RNF130: variants seen among roughly 807,000 people sequenced by gnomAD.
The protein encoded by RNF130 is ring finger protein 130, also known as E3 ubiquitin-protein ligase RNF130.
A neutral mutation model predicts 44.6 loss-of-function variants in RNF130; 21 were observed. The ratio of observed to expected loss-of-function variants is 0.47; its 90% CI spans 0.33 to 0.68. RNF130 has a LOEUF of 0.68. RNF130 is among the 30% of genes least tolerant of loss of function. The pLI is 0.02. For missense variants in RNF130, 479 were observed against 560.6 expected (o/e 0.85, Z 1.47); for synonymous variants, 214 against 210.4 (o/e 1.02, Z -0.15).
At chr5:179,986,061 T>C (rs1301837054) in intron 3 of RNF130, among the ~76,000 whole-genome samples, 1 of 152,244 alleles carries the variant, frequency 6.6e-6, no homozygotes, top group Admixed American at 6.5e-5. Flanking sequence ...TCCTTTGCTT[T>C]CCTTTTAAGT....
At chr5:179,957,649 T>C (rs1582140093) in intron 8 of RNF130, among the ~76,000 whole-genome samples, 1 of 152,182 alleles carries the variant, frequency 6.6e-6, no homozygotes, top group East Asian at 1.9e-4. Flanking sequence ...CTTCTTCCTA[T>C]GGCATCCCTT....
chr5:180,003,446 T>C (rs543729937), intron 3 of RNF130, among the ~76,000 whole-genome samples: 1 of 152,346 alleles, frequency 6.6e-6, no homozygotes, highest in South Asian at 2.1e-4. Context: ...TTTGAACACC[T>C]CTTATAGCAC....
At chr5:179,928,695 C>G (rs1300294015) in intron 7 of RNF130, among the ~76,000 whole-genome samples, 1 of 150,024 alleles carries the variant, frequency 6.7e-6, no homozygotes, top group Non-Finnish European at 1.5e-5. Flanking sequence ...GTGGTGCGAT[C>G]TCGGCTCACT....
At chr5:180,055,535 TAA>T (rs1394858632) in intron 1 of RNF130, among the ~76,000 whole-genome samples, 2 of 151,964 alleles carry the variant, frequency 1.3e-5, no homozygotes, top group Admixed American at 1.3e-4. Flanking sequence ...TTGTCCTAAA[TAA>T]AGAGAGGGAT....
chr5:179,995,559 C>T (rs532981796), intron 3 of RNF130, among the ~76,000 whole-genome samples: 102 of 152,322 alleles, frequency 6.7e-4, no homozygotes, highest in Middle Eastern at 6.8e-3. Context: ...AGGACTGAGA[C>T]TGGAGTCCTC....
intron 3 of RNF130, chr5:179,980,409 T>A (rs1170227692): frequency 1.9e-6 from 1 of 526,042 alleles, no homozygotes; most frequent in Non-Finnish European, 3.4e-6. Flanking sequence ...AACACCCTGT[T>A]AGGTCAAACA....
chr5:180,005,562 C>G (rs1201862151), intron 3 of RNF130, among the ~76,000 whole-genome samples: 2 of 152,172 alleles, frequency 1.3e-5, no homozygotes, highest in Non-Finnish European at 2.9e-5. Context: ...ACTCACAAGT[C>G]TCCTGCCCAC....
chr5:179,997,704 C>T (rs1763237488), intron 3 of RNF130, among the ~76,000 whole-genome samples: 1 of 151,890 alleles, frequency 6.6e-6, no homozygotes, highest in Non-Finnish European at 1.5e-5. Context: ...TGGACTCAAG[C>T]AATCAGTCTA....
chr5:179,982,970 G>A (rs2113721191), intron 3 of RNF130, among the ~76,000 whole-genome samples: 1 of 151,984 alleles, frequency 6.6e-6, no homozygotes, highest in African/African-American at 2.4e-5. Context: ...CATTGTCTGT[G>A]GTGAAGTGTC....
intron 2 of RNF130, among the ~76,000 whole-genome samples, chr5:180,020,258 G>A (rs201444343): frequency 6.6e-6 from 1 of 152,210 alleles, no homozygotes; most frequent in Admixed American, 6.5e-5. Context: ...TTCTCAAGTT[G>A]CCCAGGATGG....
intron 1 of RNF130, among the ~76,000 whole-genome samples, chr5:180,057,410 A>T (rs976622294): frequency 6.6e-6 from 1 of 152,170 alleles, no homozygotes; most frequent in South Asian, 2.1e-4. Context: ...CTATCCGGGC[A>T]TGGTGGTGCA....
At chr5:179,975,416 C>G (rs942185632) in intron 5 of RNF130, among the ~76,000 whole-genome samples, 6 of 152,188 alleles carry the variant, frequency 3.9e-5, no homozygotes, top group African/African-American at 1.4e-4. Flanking sequence ...GGCCCACACC[C>G]CCACACAATG....
chr5:179,958,508 C>A (rs1236833522), intron 8 of RNF130, among the ~76,000 whole-genome samples: 1 of 152,182 alleles, frequency 6.6e-6, no homozygotes, highest in Non-Finnish European at 1.5e-5. Flanking sequence ...CTCCTAGGAA[C>A]AATTCAAGAG....
chr5:179,946,813 C>CA (rs1414899160), intron 7 of RNF130, among the ~76,000 whole-genome samples: 1 of 152,170 alleles, frequency 6.6e-6, no homozygotes. Flanking sequence ...CTCGGCCTCC[C>CA]AAAGTGCTGG....
At chr5:180,027,880 G>GC (rs1248858920) in intron 2 of RNF130, among the ~76,000 whole-genome samples, 1 of 152,214 alleles carries the variant, frequency 6.6e-6, no homozygotes, top group Non-Finnish European at 1.5e-5. Context: ...TGTGGCTGCT[G>GC]CCGGTGTGAG....
intron 1 of RNF130, among the ~76,000 whole-genome samples, chr5:180,064,630 T>C (rs1331568232): frequency 1.3e-5 from 2 of 152,252 alleles, no homozygotes; most frequent in Non-Finnish European, 2.9e-5. Flanking sequence ...CATTTTCCTC[T>C]GTTTTTAAAC....
chr5:179,974,296 C>T (rs763353779), intron 5 of RNF130, among the ~76,000 whole-genome samples: 6 of 152,194 alleles, frequency 3.9e-5, no homozygotes, highest in Admixed American at 3.9e-4. Context: ...GCGGCAACTC[C>T]ACTTCTGAAA....
chr5:179,943,358 C>A (rs932956160), intron 7 of RNF130, among the ~76,000 whole-genome samples: 3 of 152,190 alleles, frequency 2.0e-5, no homozygotes, highest in Admixed American at 6.5e-5. Context: ...ACACAAGGCA[C>A]AGACAACAGA....
intron 7 of RNF130, among the ~76,000 whole-genome samples, chr5:179,937,968 GAGAC>G (rs1383555677): frequency 4.7e-5 from 7 of 148,756 alleles, no homozygotes; most frequent in African/African-American, 1.2e-4. Context: ...GAGAGAGAGA[GAGAC>G]AGAGACAGAC....
Sources: allele counts gnomAD v4.1 joint callset (sites outside exome capture counted in the v4.1 genomes callset), GRCh38; gene constraint gnomAD v4.1.1; transcripts MANE v1.5; gene names NCBI Gene and HGNC (gene_info 2026-07-23, HGNC 2026-07-21).